CD72: variants seen among roughly 807,000 people sequenced by gnomAD.
The protein encoded by CD72 is B-cell differentiation antigen CD72.
A neutral mutation model predicts 50.7 loss-of-function variants in CD72; 28 were observed. The ratio of observed to expected loss-of-function variants is 0.55; its 90% CI spans 0.41 to 0.76. CD72 has a LOEUF of 0.76. CD72 is among the 30% of genes least tolerant of loss of function. The pLI is 0.00. For synonymous variants in CD72, 176 were observed against 171.2 expected (o/e 1.03, Z -0.22); for missense variants, 403 against 420.6 (o/e 0.96, Z 0.37).
intron 6 of CD72, among the ~76,000 whole-genome samples, 156 bp from the exon 7 acceptor site, chr9:35,612,075 C>T (rs1563894447): frequency 6.6e-6 from 1 of 152,264 alleles, no homozygotes; most frequent in Non-Finnish European, 1.5e-5. Context: ...TGCCACCCTG[C>T]AGATGCAGGC....
At chr9:35,638,739 T>C (rs3931583) in intron 1 of CD72, among the ~76,000 whole-genome samples, 121,489 of 150,350 alleles carry the variant, frequency 0.81, 49,723 homozygotes, top group Non-Finnish European at 0.88. Flanking sequence ...TGACAACCGC[T>C]GGCTTCATGA....
At chr9:35,645,031 G>A (rs988042884) in intron 1 of CD72, among the ~76,000 whole-genome samples, 18 of 151,158 alleles carry the variant, frequency 1.2e-4, no homozygotes, top group Non-Finnish European at 1.8e-4. Flanking sequence ...GAGAAACCCC[G>A]TTTACTAAAA....
rs374062002 is a variant in CD72, at chr9:35,630,285, G to A, written n.409-12164C>T. Among the ~76,000 whole-genome samples, 54 of 152,164 alleles carry A rather than the reference G, an allele frequency of 3.5e-4. 1 individual carries two copies. The East Asian group carries it at 5.2e-3, about 15-fold the overall frequency. Reference sequence around the variant, plus strand: ...ACTCCTGACCTCAGGTGATCCCCCCGCCTCAGCCTCCCAAAGTGCTGGGAT... The same window carrying A: ...ACTCCTGACCTCAGGTGATCCCCCCACCTCAGCCTCCCAAAGTGCTGGGAT... On this transcript the variant is annotated intron_variant and non_coding_transcript_variant, in intron 1 of 3. Coordinates refer to the CD72 transcript ENST00000465754.
chr9:35,646,488 T>G (rs907560530), exon 1 of CD72: 1 of 152,070 alleles, frequency 6.6e-6, no homozygotes, highest in African/African-American at 2.4e-5. Context: ...CCTCGGAAGA[T>G]GTCTTAAGTT....
At chr9:35,618,927 C>T (rs1204064291), upstream of CD72, 5 of 379,248 alleles carry the variant, frequency 1.3e-5, no homozygotes, top group Non-Finnish European at 2.5e-5. Context: ...AGGCAAGTGG[C>T]AGCACTGCCC....
chr9:35,631,171 G>A (rs1823242584), intron 1 of CD72, among the ~76,000 whole-genome samples: 1 of 151,786 alleles, frequency 6.6e-6, no homozygotes, highest in Non-Finnish European at 1.5e-5. Context: ...TATTTATCTT[G>A]TATCCAGTCA....
chr9:35,634,847 T>G (rs780788491), intron 1 of CD72, among the ~76,000 whole-genome samples: 4 of 152,232 alleles, frequency 2.6e-5, no homozygotes, highest in Non-Finnish European at 5.9e-5. Flanking sequence ...CAAGAGTCCT[T>G]ATTTAGCATA....
upstream of CD72, among the ~76,000 whole-genome samples, chr9:35,622,380 C>T (rs1248597662): frequency 2.0e-5 from 3 of 152,176 alleles, no homozygotes; most frequent in African/African-American, 4.8e-5. Flanking sequence ...ACAGAAAGCA[C>T]GTTCTCTGTG....
At chr9:35,625,684 G>T (rs1355060284) in intron 1 of CD72, among the ~76,000 whole-genome samples, 1 of 152,224 alleles carries the variant, frequency 6.6e-6, no homozygotes. Context: ...TCAAAGGACA[G>T]GTTGACTCTC....
At chr9:35,612,622 CT>C (rs1223122426) in intron 6 of CD72, among the ~76,000 whole-genome samples, 1 of 151,958 alleles carries the variant, frequency 6.6e-6, no homozygotes, top group African/African-American at 2.4e-5. Context: ...AGTTTCCATT[CT>C]CATGCCAACT....
intron 1 of CD72, among the ~76,000 whole-genome samples, chr9:35,631,357 A>G (rs1412026267): frequency 2.0e-5 from 3 of 152,230 alleles, no homozygotes; most frequent in Non-Finnish European, 4.4e-5. Context: ...GATATGTCAA[A>G]TAATAAGGAT....
At chr9:35,636,672 C>T (rs566573462) in intron 1 of CD72, among the ~76,000 whole-genome samples, 9 of 152,248 alleles carry the variant, frequency 5.9e-5, no homozygotes, top group East Asian at 5.8e-4. Context: ...ACTTTCTGGC[C>T]GGGCGCAGTG....
Position 35,616,241 on chromosome 9 carries a change from C to G in CD72, c.390G>C (p.Arg130Ser). The G allele has an allele frequency of 6.2e-7, 1 of 1,614,088 alleles. No homozygotes were observed. ...GGCTGCTGTTAGTGACTTCCAGAACCCTGTTCGTCTGCTGGAGCTGCTGAG... is the reference window on the plus strand; with the variant it reads ...GGCTGCTGTTAGTGACTTCCAGAACGCTGTTCGTCTGCTGGAGCTGCTGAG... Reference protein sequence around the residue: ...QVSQQLQQTNRVLEVTNSSLR... With the variant: ...QVSQQLQQTNSVLEVTNSSLR... Residue 130 changes from arginine (R) to serine (S), a missense_variant, in exon 5 of 9, where the codon AGG becomes AGC. By Grantham distance (110) the Arg-to-Ser change is moderately radical. Coordinates refer to ENST00000259633, the MANE Select transcript of CD72 (RefSeq NM_001782.3).
At chr9:35,620,008 C>G (rs928321680), upstream of CD72, among the ~76,000 whole-genome samples, 3 of 148,830 alleles carry the variant, frequency 2.0e-5, no homozygotes, top group Admixed American at 6.7e-5. Flanking sequence ...TCCCTGGGGA[C>G]CTCAGGGGCC....
At chr9:35,612,254 G>A (rs774629127) in intron 6 of CD72, among the ~76,000 whole-genome samples, 5 of 152,180 alleles carry the variant, frequency 3.3e-5, no homozygotes, top group Admixed American at 6.5e-5. Flanking sequence ...CTGTCAAGCA[G>A]CCCAGGGAGC....
chr9:35,629,209 C>T (rs868545073), intron 1 of CD72, among the ~76,000 whole-genome samples: 18 of 152,092 alleles, frequency 1.2e-4, no homozygotes, highest in African/African-American at 4.3e-4. Context: ...CTGCATGTCC[C>T]TGATTTGTAG....
intron 1 of CD72, among the ~76,000 whole-genome samples, chr9:35,645,345 A>G (rs1300420681): frequency 1.3e-5 from 2 of 152,164 alleles, no homozygotes; most frequent in Non-Finnish European, 2.9e-5. Flanking sequence ...CACGCCTGTA[A>G]TCCCAGCGGG....
At chr9:35,627,596 T>C (rs1823207853) in intron 1 of CD72, among the ~76,000 whole-genome samples, 1 of 152,156 alleles carries the variant, frequency 6.6e-6, no homozygotes, top group Admixed American at 6.5e-5. Flanking sequence ...TGGGCAACTT[T>C]AACCACCACA....
chr9:35,644,500 A>G (rs1334255185), intron 1 of CD72, among the ~76,000 whole-genome samples: 3 of 152,138 alleles, frequency 2.0e-5, no homozygotes, highest in Non-Finnish European at 4.4e-5. Flanking sequence ...AGTTCTATCA[A>G]TCAGAAAGAT....
Sources: allele counts gnomAD v4.1 joint callset (sites outside exome capture counted in the v4.1 genomes callset), GRCh38; gene constraint gnomAD v4.1.1; transcripts MANE v1.5; gene names NCBI Gene and HGNC (gene_info 2026-07-23, HGNC 2026-07-21).